The following SIDT2 variants were observed in gnomAD, a reference collection of about 807,000 sequenced individuals.
SIDT2 encodes the protein SID1 transmembrane family, member 2.
Under a neutral mutation model 114.4 loss-of-function variants are expected in SIDT2, and 68 were observed. The ratio of observed to expected loss-of-function variants is 0.59; its 90% confidence interval spans 0.49 to 0.73. The LOEUF (loss-of-function observed/expected upper bound fraction) is 0.73, where lower values mean the gene tolerates loss of function less well. SIDT2 is among the 30% of genes least tolerant of loss of function. The pLI, the probability that SIDT2 is intolerant of heterozygous loss-of-function variation, is 0.00. For missense variants in SIDT2, 918 were observed against 1,097.1 expected (o/e 0.84, Z 2.31); for synonymous variants, 470 against 438.4 (o/e 1.07, Z -0.90).
intron 13 of SIDT2, 71 bp from the exon 14 acceptor site, chr11:117,189,098 C>T: frequency 2.0e-6 from 3 of 1,503,318 alleles, no homozygotes; most frequent in East Asian, 2.3e-5. Context: ...CCCCTCTTGT[C>T]CACCTCTAAC....
In SIDT2 at chr11:117,195,915, G is replaced by T. The variant is rs753997838; in HGVS notation, c.2436G>T (p.Leu812=). 2.5e-6 allele frequency: 4 copies of T among 1,614,204 alleles called. No individual in the cohort carries two copies. The highest frequency in any genetic ancestry group is 3.4e-6 in the Non-Finnish European group (4 of 1,180,036). ...LSSIAMFGSF[L]VLLTLDDDLD... ...CCATCGCCATGTTCGGGTCCTTCCT[G>T]GTAAGCGGGCCTCCCGGCCGAGCCG... Residue 812 remains leucine, a splice_region_variant and synonymous_variant, in exon 25 of 26, where the codon CTG becomes CTT. Transcript: ENST00000324225.
chr11:117,190,406 C>G lies in SIDT2; in HGVS notation c.1617+117C>G, dbSNP rs954224205. The G allele has an allele frequency of 3.4e-6, 5 of 1,464,278 alleles. No individual in the cohort carries two copies. In the African/African-American group the frequency reaches 5.7e-5, roughly 17 times the overall value. The allele number at this position is 1,464,278 out of a possible 1,614,324, so 90.7% of individuals were successfully genotyped here. On this transcript the variant is annotated intron_variant, in intron 17 of 25. Transcript: ENST00000324225. The surrounding 1 kb of genome is among the most constrained non-coding windows in gnomAD (Gnocchi z 4.1). ...CTGCCTTCCCCAGCTCTCCCCTCCCCAGTTCTGTCTGGCCCACCCTATCCA... is the reference window on the plus strand; with the variant it reads ...CTGCCTTCCCCAGCTCTCCCCTCCCGAGTTCTGTCTGGCCCACCCTATCCA...
In SIDT2 at chr11:117,183,651, A is replaced by AC. The variant is rs1330665196; in HGVS notation, c.703-128_703-127insC. 5 of 727,990 alleles carry AC rather than the reference A, an allele frequency of 6.9e-6. No individual in the cohort carries two copies. In the East Asian group the frequency reaches 1.4e-4, roughly 20 times the overall value. 45.1% of individuals were successfully genotyped at this position (727,990 alleles called of 1,614,324 possible). A position where few individuals can be genotyped will look rare whatever the true frequency, so the allele number is the denominator to read the frequency against. On this transcript the variant is annotated intron_variant, in intron 6 of 25. Coordinates refer to ENST00000324225, the MANE Select transcript of SIDT2 (RefSeq NM_001040455.2). ...GAAACTCCGTCTCAAAAAAAAAAAA[A>AC]ATCTTGTGAGGATTAAGTAAAATAT...
At position 117,192,623 on chromosome 11, in the gene SIDT2, C is replaced by T; in HGVS notation, c.2031C>T (p.Ile677=). Residue 677 remains isoleucine, a synonymous_variant, in exon 21 of 26, where the codon ATC becomes ATT. Coordinates refer to ENST00000324225, the MANE Select transcript of SIDT2 (RefSeq NM_001040455.2). The surrounding 1 kb of genome is among the most constrained non-coding windows in gnomAD (Gnocchi z 5.9). ...RILHVLYTDC[I]RQCSGPLYVD... ...TCCACGTGCTCTACACAGACTGCATCCGGCAGTGCAGCGGGCCGCTCTACG... is the reference window on the plus strand; with the variant it reads ...TCCACGTGCTCTACACAGACTGCATTCGGCAGTGCAGCGGGCCGCTCTACG... The T allele has an allele frequency of 6.2e-7, 1 of 1,612,068 alleles. No homozygotes were observed. The highest frequency in any genetic ancestry group is 8.5e-7 in the Non-Finnish European group (1 of 1,180,036).
chr11:117,183,134 A>G (rs1028723663), intron 6 of SIDT2, among the ~76,000 whole-genome samples: 2 of 152,228 alleles, frequency 1.3e-5, no homozygotes. Flanking sequence ...ACCTGAGATC[A>G]GGAGTTCAAG....
intron 6 of SIDT2, among the ~76,000 whole-genome samples, chr11:117,183,090 T>C (rs995425518): frequency 2.0e-5 from 3 of 152,196 alleles, no homozygotes; most frequent in Admixed American, 2.0e-4. Context: ...ATTCCTGTAA[T>C]CCCAGCACTT....
At chr11:117,195,483 C>T (rs146328885) in intron 24 of SIDT2, among the ~76,000 whole-genome samples, 1 of 152,332 alleles carries the variant, frequency 6.6e-6, no homozygotes, top group East Asian at 1.9e-4. Flanking sequence ...AGAAGGCCTT[C>T]TGCCATCTCT....
chr11:117,187,112 C>G, intron 10 of SIDT2: 1 of 1,375,506 alleles, frequency 7.3e-7, no homozygotes, highest in Non-Finnish European at 9.9e-7. Flanking sequence ...GTCTTTGTTG[C>G]TGGTAACTTA....
intron 15 of SIDT2, 67 bp downstream of exon 15, chr11:117,189,468 C>T (rs772613775): frequency 5.9e-6 from 9 of 1,523,490 alleles, no homozygotes; most frequent in Non-Finnish European, 8.1e-6. Flanking sequence ...CAGAGCCTCC[C>T]AGCCTGGGGC....
At chr11:117,185,796 C>G in intron 8 of SIDT2, among the ~76,000 whole-genome samples, 1 of 150,320 alleles carries the variant, frequency 6.7e-6, no homozygotes. Context: ...AAGGATGGAG[C>G]CTAGGAGTTG....
chr11:117,184,563 G>A (rs1384219478), intron 8 of SIDT2, among the ~76,000 whole-genome samples: 8 of 152,156 alleles, frequency 5.3e-5, no homozygotes, highest in Non-Finnish European at 1.2e-4. Context: ...ATAACAGAGG[G>A]AGTAAAATTT....
At position 117,192,222 on chromosome 11, in the gene SIDT2, C is replaced by A; in HGVS notation, c.1873-32C>A. 6.7e-7 allele frequency: 1 copy of A among 1,495,878 alleles called. No individual in the cohort carries two copies. Among genetic ancestry groups the A allele is most frequent in the Non-Finnish European group, 9.3e-7 (1 of 1,072,650 alleles). 92.7% of individuals were successfully genotyped at this position (1,495,878 alleles called of 1,614,324 possible). ...CCATCCGAGCCACTTCCCTCTCCACCCTCACCGCTGCCCTTGGTGGCCTCC... is the reference window on the plus strand; with the variant it reads ...CCATCCGAGCCACTTCCCTCTCCACACTCACCGCTGCCCTTGGTGGCCTCC... On this transcript the variant is annotated intron_variant, in intron 19 of 25. Transcript: ENST00000324225. The surrounding 1 kb of genome is among the most constrained non-coding windows in gnomAD (Gnocchi z 5.9).
chr11:117,193,786 TGG>T lies in SIDT2; in HGVS notation c.2212-65_2212-64del. 3 of 1,166,140 alleles carry T rather than the reference TGG, an allele frequency of 2.6e-6. No individual in the cohort carries two copies. In the South Asian group the frequency reaches 3.7e-5, roughly 14 times the overall value. 72.2% of individuals were successfully genotyped at this position (1,166,140 alleles called of 1,614,324 possible). ...TGAGGAAAGGGAATCTGGGAAAGGC[TGG>T]GTGGGACAGCGGGGTGGGACAGGGG... On this transcript the variant is annotated intron_variant, in intron 23 of 25. Coordinates refer to ENST00000324225, the MANE Select transcript of SIDT2 (RefSeq NM_001040455.2).
At position 117,188,992 on chromosome 11, in the gene SIDT2, C is replaced by A; in HGVS notation, c.1278+166C>A. The A allele has an allele frequency of 1.0e-6, 1 of 962,398 alleles. No individual in the cohort carries two copies. Among genetic ancestry groups the A allele is most frequent in the Non-Finnish European group, 1.6e-6 (1 of 612,916 alleles). The allele number at this position is 962,398 out of a possible 1,614,324, so 59.6% of individuals were successfully genotyped here. On this transcript the variant is annotated intron_variant, in intron 13 of 25. Coordinates refer to ENST00000324225, the MANE Select transcript of SIDT2 (RefSeq NM_001040455.2). This position sits in a 1 kb window ranked among gnomAD's most constrained non-coding sequence, Gnocchi z 4.0. ...AAACTAACCTGACCTCCAACCCCTTCCGGCCTGATTGGCCAAACCCTCTTG... is the reference window on the plus strand; with the variant it reads ...AAACTAACCTGACCTCCAACCCCTTACGGCCTGATTGGCCAAACCCTCTTG...
chr11:117,186,305 C>T, intron 9 of SIDT2, 82 bp downstream of exon 9: 1 of 1,252,192 alleles, frequency 8.0e-7, no homozygotes, highest in African/African-American at 1.5e-5. Flanking sequence ...GGATCTGAGC[C>T]AGCCTAGGGT....
intron 8 of SIDT2, 95 bp from the exon 9 acceptor site, chr11:117,186,035 G>A: frequency 2.0e-6 from 2 of 991,524 alleles, no homozygotes; most frequent in Non-Finnish European, 3.2e-6. Context: ...GTGAGAGATT[G>A]AGCTGGGTGG....
chr11:117,181,290 C>T (rs1325983698), intron 1 of SIDT2, 126 bp from the exon 2 acceptor site: 30 of 1,383,302 alleles, frequency 2.2e-5, no homozygotes, highest in African/African-American at 4.3e-5. Flanking sequence ...AGAGATGACT[C>T]CCTGGCCCGA....
intron 10 of SIDT2, 63 bp downstream of exon 10, chr11:117,186,699 G>T: frequency 6.8e-7 from 1 of 1,464,092 alleles, no homozygotes; most frequent in Non-Finnish European, 9.2e-7. Context: ...GGGTGGTGGT[G>T]GATGGTTCCC....
rs192918163 is a variant in SIDT2 at position 117,195,921 on chromosome 11, C to T, written c.2436+6C>T. On this transcript the variant is annotated splice_donor_region_variant and intron_variant, in intron 25 of 25. Transcript: ENST00000324225. ...CCATGTTCGGGTCCTTCCTGGTAAG[C>T]GGGCCTCCCGGCCGAGCCGGGTGGG... 386 of 1,614,180 alleles carry T rather than the reference C, an allele frequency of 2.4e-4. 2 individuals are homozygous for T. The Admixed American group carries it at 5.8e-3, about 24-fold the overall frequency.
Sources: gnomAD v4.1 joint callset for allele counts (sites outside exome capture counted in the v4.1 genomes callset) on GRCh38, gnomAD v4.1.1 for gene constraint, Gnocchi (gnomAD v3.1) non-coding constraint, MANE v1.5 for transcripts, NCBI Gene and HGNC (gene_info 2026-07-23, HGNC 2026-07-21) for gene names.